MCM9: variants seen among roughly 807,000 people sequenced by gnomAD.
The protein encoded by MCM9 is minichromosome maintenance 9 homologous recombination repair factor, also known as DNA helicase MCM9.
In MCM9, 55 loss-of-function variants were observed where a neutral mutation model predicts 72.8. That is an observed-to-expected ratio of 0.76 (90% CI 0.61 to 0.95). MCM9 has a LOEUF of 0.95. Among genes scored for constraint, MCM9 ranks in the 40% least tolerant of loss-of-function variants. The probability of loss-of-function intolerance (pLI) is 0.00; values close to 1 mark genes in which losing one functional copy is unlikely to be tolerated. For synonymous variants in MCM9, 480 were observed against 503.4 expected, an observed-to-expected ratio of 0.95 and a Z score of 0.62; for missense variants, 1,279 against 1,377.0, an observed-to-expected ratio of 0.93 and a Z score of 1.13.
intron 8 of MCM9, among the ~76,000 whole-genome samples, chr6:118,879,765 G>A (rs149472873): frequency 4.0e-5 from 6 of 151,380 alleles, no homozygotes; most frequent in African/African-American, 7.3e-5. Flanking sequence ...AAGACTAGGC[G>A]GGGTGCAGTG....
intron 9 of MCM9, among the ~76,000 whole-genome samples, chr6:118,846,973 G>C (rs1439466867): frequency 6.6e-6 from 1 of 151,674 alleles, no homozygotes; most frequent in African/African-American, 2.4e-5. Flanking sequence ...ACAAAGCAAA[G>C]GAAATCTGTA....
chr6:118,824,035 C>CTTTTTTT lies in MCM9; in HGVS notation c.1961+2105_1961+2111dup, dbSNP rs137881254. On this transcript the variant is annotated intron_variant, in intron 13 of 13. Coordinates refer to ENST00000619706, the MANE Select transcript of MCM9 (RefSeq NM_017696.3). The stretch of plus-strand genomic sequence containing the variant: ...TGAAAATATCAATAAGCAAACCCAC[C>CTTTTTTT]TTTTTTTTTTTTTTTTTTTTTTTTT... Among the ~76,000 whole-genome samples the CTTTTTTT allele has an allele frequency of 3.7e-5, 2 of 54,294 alleles. 1 individual carries two copies. The highest frequency in any genetic ancestry group is 0.023 in the Middle Eastern group (2 of 88). The allele number at this position is 54,294 out of a possible 152,430, so 35.6% of individuals were successfully genotyped here. A position where few individuals can be genotyped will look rare whatever the true frequency, so the allele number is the denominator to read the frequency against.
intron 13 of MCM9, among the ~76,000 whole-genome samples, chr6:118,820,072 G>C (rs894224019): frequency 2.6e-5 from 4 of 152,076 alleles, no homozygotes; most frequent in South Asian, 2.1e-4. Flanking sequence ...CAAAAAACCA[G>C]CTCCTGGATT....
intron 5 of MCM9, chr6:118,919,214 T>C (rs1405603220): frequency 6.6e-6 from 1 of 152,192 alleles, no homozygotes; most frequent in Non-Finnish European, 1.5e-5. Flanking sequence ...CCGTAAGTAA[T>C]AATCTAATGT....
chr6:118,917,737 A>G lies in MCM9; in HGVS notation c.728T>C (p.Ile243Thr). ...AAAGGGCTTCCACCGTTGCATTACA[A>G]TCCCGTAAATAGTGAGGTCATCACC... ...KSGDDLTIYGIVMQRWKPFQQ... is the reference protein window; with the variant it reads ...KSGDDLTIYGTVMQRWKPFQQ... The change falls in exon 6 of 14, where the codon ATT becomes ACT. Residue 243 changes from isoleucine (I) to threonine (T), a missense_variant. By Grantham distance (89) the Ile-to-Thr change is moderately conservative (BLOSUM62 -1). Coordinates refer to ENST00000619706, the MANE Select transcript of MCM9 (RefSeq NM_017696.3). 6.2e-7 allele frequency: 1 copy of G among 1,614,134 alleles called. No individual in the cohort carries two copies. Among genetic ancestry groups the G allele is most frequent in the South Asian group, 1.1e-5 (1 of 91,082 alleles).
At chr6:118,886,621 G>T (rs543386195) in intron 8 of MCM9, among the ~76,000 whole-genome samples, 2 of 152,200 alleles carry the variant, frequency 1.3e-5, no homozygotes, top group African/African-American at 4.8e-5. Context: ...AATAAAATAT[G>T]TAGGAATAAA....
chr6:118,913,671 C>T (rs1188441502), intron 6 of MCM9, among the ~76,000 whole-genome samples: 1 of 152,190 alleles, frequency 6.6e-6, no homozygotes, highest in African/African-American at 2.4e-5. Flanking sequence ...GTGATCATAG[C>T]TCATTGCAGC....
chr6:118,893,087 T>A (rs980759247), intron 8 of MCM9, among the ~76,000 whole-genome samples: 12 of 152,190 alleles, frequency 7.9e-5, no homozygotes, highest in African/African-American at 2.2e-4. Flanking sequence ...TAGCAGATAA[T>A]AAAACAAACC....
chr6:118,868,983 T>A (rs1777402664), intron 8 of MCM9, among the ~76,000 whole-genome samples: 2 of 152,318 alleles, frequency 1.3e-5, no homozygotes, highest in Admixed American at 1.3e-4. Context: ...ATGGCAGCAT[T>A]ATTCACAATA....
intron 9 of MCM9, among the ~76,000 whole-genome samples, chr6:118,843,765 G>A (rs1401177798): frequency 1.4e-5 from 2 of 143,538 alleles, no homozygotes; most frequent in South Asian, 2.2e-4. Context: ...TAGCCTTGGA[G>A]ACCAGTCAGA....
chr6:118,914,885 G>C (rs1780818507), intron 6 of MCM9, among the ~76,000 whole-genome samples: 1 of 152,118 alleles, frequency 6.6e-6, no homozygotes, highest in Non-Finnish European at 1.5e-5. Context: ...TCTGACCTTA[G>C]GCAAGTTTCT....
In MCM9 at chr6:118,834,629, C is replaced by T. The variant is rs150366515; in HGVS notation, c.1326-5379G>A. ...ACTACTGATGATGAGCTTTTTTTCA[C>T]GTTTGTTGGCCATATAAATGTCTTC... On this transcript the variant is annotated intron_variant, in intron 9 of 13. Coordinates refer to ENST00000619706, the MANE Select transcript of MCM9 (RefSeq NM_017696.3). 1.3e-3 allele frequency among the ~76,000 whole-genome samples: 204 copies of T among 151,664 alleles called. 1 individual carries two copies. Among genetic ancestry groups the T allele is most frequent in the Middle Eastern group, 3.4e-3 (1 of 290 alleles).
At chr6:118,882,735 T>C (rs1778366789) in intron 8 of MCM9, among the ~76,000 whole-genome samples, 1 of 152,120 alleles carries the variant, frequency 6.6e-6, no homozygotes, top group African/African-American at 2.4e-5. Context: ...TAAAGGCTGT[T>C]GCCTCTGAGG....
intron 9 of MCM9, among the ~76,000 whole-genome samples, chr6:118,836,382 C>T (rs185349281): frequency 8.4e-4 from 128 of 152,350 alleles, no homozygotes; most frequent in African/African-American, 3.0e-3. Context: ...GGGGGAGCCC[C>T]TCTTTTTCTA....
Position 118,923,792 on chromosome 6 carries a change from C to T in MCM9, c.621+19G>A, listed in dbSNP as rs905162275. Reference sequence around the variant, plus strand: ...AACACTTCTTCAAATTTATTTATCTCGTTTATGTGATTATTTACCTGTTCC... The same window carrying T: ...AACACTTCTTCAAATTTATTTATCTTGTTTATGTGATTATTTACCTGTTCC... On this transcript the variant is annotated intron_variant, in intron 4 of 13. Coordinates refer to ENST00000619706, the MANE Select transcript of MCM9 (RefSeq NM_017696.3). 2.9e-5 allele frequency: 47 copies of T among 1,603,766 alleles called. No homozygotes were observed. Among genetic ancestry groups the T allele is most frequent in the Admixed American group, 1.5e-4 (9 of 59,668 alleles).
At chr6:118,858,693 G>C (rs1776721999) in intron 8 of MCM9, among the ~76,000 whole-genome samples, 1 of 152,056 alleles carries the variant, frequency 6.6e-6, no homozygotes, top group African/African-American at 2.4e-5. Flanking sequence ...TGGAATATCT[G>C]GGTATAAGTC....
intron 8 of MCM9, among the ~76,000 whole-genome samples, chr6:118,880,057 A>G (rs1253327015): frequency 6.6e-6 from 1 of 152,040 alleles, no homozygotes; most frequent in Non-Finnish European, 1.5e-5. Flanking sequence ...ACAACAAAAA[A>G]AAAACACCAA....
chr6:118,872,513 G>A (rs923476641), intron 8 of MCM9, among the ~76,000 whole-genome samples: 5 of 152,132 alleles, frequency 3.3e-5, no homozygotes, highest in Non-Finnish European at 5.9e-5. Flanking sequence ...TCAGGAGGCT[G>A]AGTCAGCAGG....
In MCM9 at chr6:118,867,879, CTTTTTCTTT is replaced by C. The variant is rs1418902866; in HGVS notation, c.1151-11343_1151-11335del. On this transcript the variant is annotated intron_variant, in intron 8 of 13. Coordinates refer to ENST00000619706, the MANE Select transcript of MCM9 (RefSeq NM_017696.3). ...TTAATTATATTTCTTTTTTCTTTTT[CTTTTTCTTT>C]TTTTTTGAGATGAAGTCTCACTCTG... 3.4e-4 allele frequency among the ~76,000 whole-genome samples: 47 copies of C among 137,522 alleles called. 2 individuals carry two copies. The highest frequency in any genetic ancestry group is 1.2e-3 in the African/African-American group (44 of 38,142). 90.2% of individuals were successfully genotyped at this position (137,522 alleles called of 152,430 possible). A position where few individuals can be genotyped will look rare whatever the true frequency, so the allele number is the denominator to read the frequency against.
Sources: allele counts gnomAD v4.1 joint callset (sites outside exome capture counted in the v4.1 genomes callset), GRCh38; gene constraint gnomAD v4.1.1; transcripts MANE v1.5; gene names NCBI Gene and HGNC (gene_info 2026-07-23, HGNC 2026-07-21).